The following WNT2B variants were observed in gnomAD, a reference collection of about 807,000 sequenced individuals.
The protein encoded by WNT2B is protein Wnt-2b.
In WNT2B, 19 loss-of-function variants were observed where a neutral mutation model predicts 40.5. The observed-to-expected ratio is 0.47, with a 90% CI of 0.33 to 0.69. The LOEUF (loss-of-function observed/expected upper bound fraction) is 0.69, where lower values mean the gene tolerates loss of function less well. Ranked by LOEUF, WNT2B falls within the 30% of genes least tolerant of loss-of-function variation. WNT2B has a pLI of 0.02. For synonymous variants in WNT2B, 220 were observed against 211.9 expected, an observed-to-expected ratio of 1.04 and a Z score of -0.33; for missense variants, 467 against 556.4, an observed-to-expected ratio of 0.84 and a Z score of 1.62.
chr1:112,477,586 T>C (rs556477175), intron 1 of WNT2B, among the ~76,000 whole-genome samples: 204 of 152,270 alleles, frequency 1.3e-3, no homozygotes, highest in Admixed American at 3.0e-3. Context: ...AAAATAATTG[T>C]TTAAGGAAGC....
chr1:112,474,311 GA>G (rs982487186), intron 1 of WNT2B, among the ~76,000 whole-genome samples: 2 of 101,542 alleles, frequency 2.0e-5, no homozygotes, highest in African/African-American at 5.3e-5. Context: ...ACATCTGACT[GA>G]TTTTTTTTTG....
rs562781313 is a variant in WNT2B, at chr1:112,520,614, G to A, written c.*105G>A. The A allele has an allele frequency of 3.8e-5, 45 of 1,190,790 alleles. No homozygotes were observed. Among genetic ancestry groups the A allele is most frequent in the East Asian group, 2.6e-4 (10 of 39,186 alleles). 73.8% of individuals were successfully genotyped at this position (1,190,790 alleles called of 1,614,324 possible). ...CCACCCTCCACCCTGGGCTGCTACCGCTTCTATTTAAGGATGTAGAGAGTA... is the reference window on the plus strand; with the variant it reads ...CCACCCTCCACCCTGGGCTGCTACCACTTCTATTTAAGGATGTAGAGAGTA... On this transcript the variant is annotated 3_prime_UTR_variant, in exon 5 of 5. Coordinates refer to ENST00000369684, the MANE Select transcript of WNT2B (RefSeq NM_024494.3).
chr1:112,500,522 A>G (rs1471883483), intron 1 of WNT2B, among the ~76,000 whole-genome samples: 1 of 152,158 alleles, frequency 6.6e-6, no homozygotes, highest in Non-Finnish European at 1.5e-5. Flanking sequence ...ATAATCCCAG[A>G]ACTTTGGGAG....
chr1:112,518,798 A>G (rs1037126320), intron 4 of WNT2B, among the ~76,000 whole-genome samples: 2 of 152,200 alleles, frequency 1.3e-5, no homozygotes, highest in Non-Finnish European at 2.9e-5. Flanking sequence ...TTCAAAGAAT[A>G]TAAGTCATCC....
chr1:112,475,186 T>C (rs1378202561), intron 1 of WNT2B, among the ~76,000 whole-genome samples: 1 of 152,174 alleles, frequency 6.6e-6, no homozygotes, highest in Non-Finnish European at 1.5e-5. Flanking sequence ...TTATTGGGTG[T>C]GCTATAAATA....
At chr1:112,505,103 C>T (rs1262793188), upstream of WNT2B, among the ~76,000 whole-genome samples, 2 of 152,196 alleles carry the variant, frequency 1.3e-5, no homozygotes, top group Non-Finnish European at 2.9e-5. Flanking sequence ...TCTTTGGGCA[C>T]CCACTTTTGA....
intron 1 of WNT2B, among the ~76,000 whole-genome samples, chr1:112,499,734 C>G (rs932319141): frequency 2.6e-5 from 4 of 152,162 alleles, no homozygotes; most frequent in Non-Finnish European, 4.4e-5. Flanking sequence ...ATGGTGGAAA[C>G]TCAGGTTGCT....
At chr1:112,507,323 A>G (rs1201609429), upstream of WNT2B, among the ~76,000 whole-genome samples, 3 of 152,186 alleles carry the variant, frequency 2.0e-5, no homozygotes, top group Admixed American at 6.5e-5. Context: ...GAGGGCATAG[A>G]CTGTTCACCA....
At chr1:112,508,912 C>G, upstream of WNT2B, 1 of 1,085,062 alleles carries the variant, frequency 9.2e-7, no homozygotes, top group Non-Finnish European at 1.1e-6. This position sits in a 1 kb window ranked among gnomAD's most constrained non-coding sequence, Gnocchi z 4.2. Flanking sequence ...TGTCCCCGGC[C>G]TCGGCCCCGC....
chr1:112,489,132 G>T (rs1469052553), intron 1 of WNT2B, among the ~76,000 whole-genome samples: 2 of 152,080 alleles, frequency 1.3e-5, no homozygotes, highest in Non-Finnish European at 2.9e-5. Context: ...GATGTTCACT[G>T]GGAGAACAGG....
intron 1 of WNT2B, among the ~76,000 whole-genome samples, chr1:112,501,152 C>T (rs1344955935): frequency 2.6e-5 from 4 of 152,138 alleles, no homozygotes; most frequent in Non-Finnish European, 4.4e-5. Context: ...TGTAGAATGT[C>T]CCCCTGGTGG....
At chr1:112,514,419 C>G (rs892077398) in intron 1 of WNT2B, among the ~76,000 whole-genome samples, 1 of 152,218 alleles carries the variant, frequency 6.6e-6, no homozygotes, top group Non-Finnish European at 1.5e-5. Flanking sequence ...CCCCTGCTGT[C>G]AAACCATATC....
At position 112,509,145 on chromosome 1, in the gene WNT2B, C is replaced by T; in HGVS notation, c.-118C>T. 7.3e-7 allele frequency: 1 copy of T among 1,376,716 alleles called. No homozygotes were observed. The highest frequency in any genetic ancestry group is 9.3e-7 in the Non-Finnish European group (1 of 1,074,042). 85.3% of individuals were successfully genotyped at this position (1,376,716 alleles called of 1,614,324 possible). ...TGGACCCCAGGTGATCCTAGGTCCC[C>T]AGCCGCCGGCGAACACCATGGCCCC... is the stretch of plus-strand genomic sequence containing the variant. On this transcript the variant is annotated 5_prime_UTR_variant, in exon 1 of 5. Coordinates refer to ENST00000369684, the MANE Select transcript of WNT2B (RefSeq NM_024494.3). This position sits in a 1 kb window ranked among gnomAD's most constrained non-coding sequence, Gnocchi z 4.2.
Position 112,516,317 on chromosome 1 carries a change from A to G in WNT2B, c.581A>G (p.Tyr194Cys). 6.2e-7 allele frequency: 1 copy of G among 1,614,072 alleles called. No homozygotes were observed. The highest frequency in any genetic ancestry group is 8.5e-7 in the Non-Finnish European group (1 of 1,180,030). The part of the protein sequence containing the change: ...DWGGCSDNIH[Y>C]GVRFAKAFVD... ...GGTGGCTGCAGTGACAACATCCACT[A>G]CGGTGTCCGTTTTGCCAAGGCCTTC... Residue 194 changes from tyrosine (Y) to cysteine (C), a missense_variant, in exon 3 of 5, where the codon TAC becomes TGC. This residue lies in a region of WNT2B where 330 missense variants were observed against 438.6 expected (regional missense o/e 0.75). Transcript: ENST00000369684.
chr1:112,522,525 C>G lies in WNT2B; in HGVS notation c.*2016C>G, dbSNP rs983602570. On this transcript the variant is annotated 3_prime_UTR_variant, in exon 5 of 5. Coordinates refer to ENST00000369684, the MANE Select transcript of WNT2B (RefSeq NM_024494.3). ...TACAGGCCCCTGTCTTTCCAAAGTTCCTCTCCAATATCCCTTGGGGTCCTC... is the reference window on the plus strand; with the variant it reads ...TACAGGCCCCTGTCTTTCCAAAGTTGCTCTCCAATATCCCTTGGGGTCCTC... 4 of 152,226 alleles carry G rather than the reference C, an allele frequency of 2.6e-5. No homozygotes were observed. Among genetic ancestry groups the G allele is most frequent in the African/African-American group, 9.6e-5 (4 of 41,460 alleles). The allele number at this position is 152,226 out of a possible 1,614,324, so 9.4% of individuals were successfully genotyped here. A position where few individuals can be genotyped will look rare whatever the true frequency, so the allele number is the denominator to read the frequency against.
chr1:112,488,478 C>T (rs1262368941), intron 1 of WNT2B, among the ~76,000 whole-genome samples: 1 of 151,862 alleles, frequency 6.6e-6, no homozygotes, highest in Non-Finnish European at 1.5e-5. Flanking sequence ...TTTGTAAATG[C>T]TGTAAATAAC....
Position 112,502,152 on chromosome 1 carries a change from G to A in WNT2B, c.-94-12722G>A, listed in dbSNP as rs144489443. Among the ~76,000 whole-genome samples the A allele has an allele frequency of 9.5e-3, 1,441 of 152,304 alleles. 27 individuals carry two copies. Among genetic ancestry groups the A allele is most frequent in the African/African-American group, 0.033 (1,353 of 41,578 alleles). On this transcript the variant is annotated intron_variant, in intron 1 of 4. Coordinates refer to the WNT2B transcript ENST00000256640. ...CGGCTCGCTCTCCCGGGCTACTCCG[G>A]CGCGCAGGTGCTGCGCCCGCGGGAG...
chr1:112,480,980 C>T (rs1219136373), intron 1 of WNT2B, among the ~76,000 whole-genome samples: 1 of 152,070 alleles, frequency 6.6e-6, no homozygotes, highest in Non-Finnish European at 1.5e-5. Context: ...ATCAGCCTGA[C>T]CAACATGGAG....
At chr1:112,503,806 A>G (rs1652029515) in intron 1 of WNT2B, among the ~76,000 whole-genome samples, 1 of 152,134 alleles carries the variant, frequency 6.6e-6, no homozygotes, top group African/African-American at 2.4e-5. Flanking sequence ...AGATAAACAC[A>G]AGAGACAGAT....
Sources: allele counts gnomAD v4.1 joint callset (sites outside exome capture counted in the v4.1 genomes callset), GRCh38; gene constraint gnomAD v4.1.1; regional missense constraint gnomAD v4.1.1; non-coding constraint Gnocchi (gnomAD v3.1); transcripts MANE v1.5; gene names NCBI Gene and HGNC (gene_info 2026-07-23, HGNC 2026-07-21).